The following PRKCH variants were observed in gnomAD, a reference collection of about 807,000 sequenced individuals.
The protein encoded by PRKCH is protein kinase C eta type.
Under a neutral mutation model 82.5 loss-of-function variants are expected in PRKCH, and 28 were observed. The ratio of observed to expected loss-of-function variants is 0.34; its 90% CI spans 0.25 to 0.47. The LOEUF (loss-of-function observed/expected upper bound fraction) is 0.47, where lower values mean the gene tolerates loss of function less well. Among genes scored for constraint, PRKCH ranks in the 20% least tolerant of loss-of-function variants. The pLI is 1.00. For synonymous variants in PRKCH, 322 were observed against 327.4 expected (o/e 0.98, Z 0.18); for missense variants, 705 against 881.8 (o/e 0.80, Z 2.54).
intron 1 of PRKCH, among the ~76,000 whole-genome samples, chr14:61,210,111 A>T (rs866190582): frequency 5.5e-4 from 48 of 87,340 alleles, no homozygotes; most frequent in South Asian, 2.1e-3. Flanking sequence ...CAAACAAACA[A>T]ATATATATAT....
chr14:61,312,846 C>A (rs1318219465), intron 1 of PRKCH, among the ~76,000 whole-genome samples: 1 of 152,140 alleles, frequency 6.6e-6, no homozygotes, highest in Non-Finnish European at 1.5e-5. Context: ...ATCTGGGTGG[C>A]ACACAGCCAA....
At chr14:61,272,234 A>C (rs2045160652) in intron 1 of PRKCH, among the ~76,000 whole-genome samples, 1 of 75,636 alleles carries the variant, frequency 1.3e-5, no homozygotes, top group South Asian at 4.8e-4. Context: ...TCTCCAAAAA[A>C]AAAAGATGAC....
chr14:61,339,408 T>C (rs1366353380), intron 1 of PRKCH, among the ~76,000 whole-genome samples: 135 of 150,784 alleles, frequency 9.0e-4, no homozygotes, highest in African/African-American at 2.8e-3. Context: ...ACTGCAAGCT[T>C]TGCCTCCCGG....
chr14:61,279,799 G>T, intron 1 of PRKCH: 1 of 416,500 alleles, frequency 2.4e-6, no homozygotes, highest in Non-Finnish European at 4.3e-6. Context: ...GTCTCCATAG[G>T]GATCCCTTCC....
intron 1 of PRKCH, among the ~76,000 whole-genome samples, chr14:61,197,041 A>G (rs1185067119): frequency 6.6e-6 from 1 of 151,882 alleles, no homozygotes; most frequent in African/African-American, 2.4e-5. Context: ...ACATTCAACA[A>G]CTTGCTCAGC....
chr14:61,517,255 TTATGCAA>T (rs1274337329), intron 10 of PRKCH, among the ~76,000 whole-genome samples: 4 of 151,712 alleles, frequency 2.6e-5, no homozygotes, highest in African/African-American at 9.8e-5. Context: ...TTTTCACACT[TTATGCAA>T]GGCCGTGCAC....
At chr14:61,318,338 G>A (rs532481245), upstream of PRKCH, among the ~76,000 whole-genome samples, 1 of 151,772 alleles carries the variant, frequency 6.6e-6, no homozygotes, top group South Asian at 2.1e-4. Context: ...TGTGAACACA[G>A]GCACGTGCCC....
intron 1 of PRKCH, among the ~76,000 whole-genome samples, chr14:61,210,158 AT>A (rs1566781744): frequency 0.01 from 1,118 of 108,484 alleles, 38 homozygotes; most frequent in East Asian, 0.019. Flanking sequence ...ATATATATAT[AT>A]ATAAATTAGC....
chr14:61,274,230 A>G (rs570840924), intron 1 of PRKCH, among the ~76,000 whole-genome samples: 16 of 152,372 alleles, frequency 1.1e-4, no homozygotes, highest in Non-Finnish European at 2.1e-4. Context: ...CAGCATGAGC[A>G]AAGACACGGA....
At chr14:61,322,488 T>A in intron 1 of PRKCH, 24 bp downstream of exon 1, 1 of 1,576,260 alleles carries the variant, frequency 6.3e-7, no homozygotes. Flanking sequence ...ACCCCTTCCC[T>A]TTGTGTCCAC....
chr14:61,235,409 A>C (rs1566789604), intron 1 of PRKCH, among the ~76,000 whole-genome samples: 1 of 152,246 alleles, frequency 6.6e-6, no homozygotes, highest in Non-Finnish European at 1.5e-5. Flanking sequence ...TGAAACTGCC[A>C]TCCACAAACC....
At chr14:61,522,027 C>A (rs2042913575) in intron 10 of PRKCH, among the ~76,000 whole-genome samples, 1 of 152,154 alleles carries the variant, frequency 6.6e-6, no homozygotes, top group South Asian at 2.1e-4. Flanking sequence ...GACATCTAGC[C>A]ATGTGTATTC....
At chr14:61,243,481 G>C (rs2140067875) in intron 1 of PRKCH, among the ~76,000 whole-genome samples, 1 of 151,766 alleles carries the variant, frequency 6.6e-6, no homozygotes, top group South Asian at 2.1e-4. Flanking sequence ...CATGTGCAAA[G>C]AGCCTGAGGC....
chr14:61,497,732 T>G (rs1376097974), intron 10 of PRKCH, among the ~76,000 whole-genome samples: 1 of 152,108 alleles, frequency 6.6e-6, no homozygotes, highest in Non-Finnish European at 1.5e-5. Flanking sequence ...AAAGTAGAAT[T>G]GCTTCTCAGG....
intron 1 of PRKCH, among the ~76,000 whole-genome samples, chr14:61,376,485 C>G (rs2046429676): frequency 6.6e-6 from 1 of 152,122 alleles, no homozygotes; most frequent in East Asian, 1.9e-4. Context: ...CAGAGTCATC[C>G]CAAACCAACT....
intron 1 of PRKCH, among the ~76,000 whole-genome samples, chr14:61,231,665 G>C (rs982228706): frequency 6.6e-6 from 1 of 152,032 alleles, no homozygotes; most frequent in Admixed American, 6.6e-5. Context: ...AGCCACCGTG[G>C]CCGGCTGAAT....
At chr14:61,502,823 A>G (rs937048291) in intron 10 of PRKCH, among the ~76,000 whole-genome samples, 1 of 152,040 alleles carries the variant, frequency 6.6e-6, no homozygotes, top group African/African-American at 2.4e-5. Context: ...GCCTTTCCCA[A>G]GTTCACCGAG....
intron 1 of PRKCH, among the ~76,000 whole-genome samples, chr14:61,197,475 C>T (rs2044449560): frequency 6.6e-6 from 1 of 152,304 alleles, no homozygotes; most frequent in Non-Finnish European, 1.5e-5. Context: ...GATGAGGACT[C>T]TCTGCAGAGT....
intron 9 of PRKCH, among the ~76,000 whole-genome samples, chr14:61,482,805 G>A (rs1036261945): frequency 2.6e-5 from 4 of 152,228 alleles, no homozygotes; most frequent in Non-Finnish European, 5.9e-5. Flanking sequence ...CAGGGCTGTA[G>A]ATGGGGCTGG....
Sources: gnomAD v4.1 joint callset for allele counts (sites outside exome capture counted in the v4.1 genomes callset) on GRCh38, gnomAD v4.1.1 for gene constraint, MANE v1.5 for transcripts, NCBI Gene and HGNC (gene_info 2026-07-23, HGNC 2026-07-21) for gene names.